The following CDH18 variants were observed in gnomAD, a reference collection of about 807,000 sequenced individuals.
The protein encoded by CDH18 is cadherin-18.
CDH18 carries 31 observed loss-of-function variants against 67.9 expected under a neutral mutation model. The observed-to-expected ratio is 0.46, with a 90% CI of 0.34 to 0.62. CDH18 has a LOEUF of 0.62. CDH18 is among the 20% of genes least tolerant of loss of function. The pLI, the probability that CDH18 is intolerant of heterozygous loss-of-function variation, is 0.01. For missense variants in CDH18, 890 were observed against 975.5 expected (o/e 0.91, Z 1.17); for synonymous variants, 362 against 347.2 (o/e 1.04, Z -0.48).
At chr5:19,590,414 A>G (rs1382168365) in intron 7 of CDH18, among the ~76,000 whole-genome samples, 1 of 152,062 alleles carries the variant, frequency 6.6e-6, no homozygotes, top group Non-Finnish European at 1.5e-5. Context: ...TATAATTACT[A>G]GAAGAAGAAT....
chr5:19,920,331 T>C (rs1461249388), intron 2 of CDH18, among the ~76,000 whole-genome samples: 2 of 152,112 alleles, frequency 1.3e-5, no homozygotes, highest in Non-Finnish European at 2.9e-5. Flanking sequence ...GGAAATAACA[T>C]AGCAACAAGT....
At chr5:20,352,588 G>A (rs1741280264) in intron 1 of CDH18, among the ~76,000 whole-genome samples, 1 of 148,990 alleles carries the variant, frequency 6.7e-6, no homozygotes, top group South Asian at 2.1e-4. Context: ...AGACCATCCT[G>A]GCTGAAACGG....
intron 1 of CDH18, among the ~76,000 whole-genome samples, chr5:20,460,528 G>A (rs575435315): frequency 6.6e-6 from 1 of 152,176 alleles, no homozygotes; most frequent in African/African-American, 2.4e-5. Context: ...CTGGCATTTT[G>A]GTTGTGCACA....
intron 1 of CDH18, among the ~76,000 whole-genome samples, chr5:20,274,691 T>A (rs1456285085): frequency 3.3e-5 from 5 of 152,130 alleles, no homozygotes; most frequent in African/African-American, 1.2e-4. Context: ...TAAGAATATA[T>A]ATATTTTGAT....
intron 5 of CDH18, among the ~76,000 whole-genome samples, chr5:19,665,067 A>C (rs1457343786): frequency 1.3e-5 from 2 of 152,064 alleles, no homozygotes; most frequent in African/African-American, 4.8e-5. Flanking sequence ...CATAATTATA[A>C]AAATAATTTT....
intron 2 of CDH18, among the ~76,000 whole-genome samples, chr5:20,237,216 A>G (rs963163765): frequency 2.0e-5 from 3 of 151,954 alleles, no homozygotes; most frequent in South Asian, 2.1e-4. Context: ...AAGAAAAATT[A>G]TAGTTCATGG....
intron 5 of CDH18, among the ~76,000 whole-genome samples, chr5:19,656,993 A>G (rs2150295629): frequency 6.6e-6 from 1 of 152,192 alleles, no homozygotes; most frequent in Middle Eastern, 3.4e-3. Context: ...GGAATGAAGA[A>G]GCAGGCAATT....
intron 1 of CDH18, among the ~76,000 whole-genome samples, chr5:20,374,755 AACAATAATG>A (rs1467825577): frequency 3.3e-5 from 5 of 152,340 alleles, no homozygotes; most frequent in East Asian, 3.9e-4. Context: ...TAATAATTCC[AACAATAATG>A]ACAATAATGA....
At chr5:20,544,366 T>C (rs1757223162) in intron 1 of CDH18, among the ~76,000 whole-genome samples, 1 of 152,074 alleles carries the variant, frequency 6.6e-6, no homozygotes, top group South Asian at 2.1e-4. Context: ...GTATAATATA[T>C]AAAGAATGTA....
At chr5:19,654,813 G>A (rs907827952) in intron 5 of CDH18, among the ~76,000 whole-genome samples, 5 of 152,140 alleles carry the variant, frequency 3.3e-5, no homozygotes, top group Non-Finnish European at 7.3e-5. Context: ...AGCTGGAAAG[G>A]AGATGGACTA....
At chr5:20,133,394 T>A (rs561707621) in intron 2 of CDH18, among the ~76,000 whole-genome samples, 1 of 152,056 alleles carries the variant, frequency 6.6e-6, no homozygotes, top group South Asian at 2.1e-4. Context: ...TGAGACTTAT[T>A]CACTATCACG....
chr5:19,657,996 T>A (rs1284288865), intron 5 of CDH18, among the ~76,000 whole-genome samples: 2 of 152,150 alleles, frequency 1.3e-5, no homozygotes, highest in African/African-American at 4.8e-5. Flanking sequence ...TGGAGGAAAT[T>A]GACGATGCTT....
chr5:20,033,203 T>A (rs950345349), intron 2 of CDH18, among the ~76,000 whole-genome samples: 4 of 151,384 alleles, frequency 2.6e-5, no homozygotes, highest in Non-Finnish European at 2.9e-5. Context: ...ATCTTCCTTT[T>A]TAAAAAAAAA....
chr5:20,565,772 G>T (rs74879965), intron 1 of CDH18, among the ~76,000 whole-genome samples: 1 of 131,354 alleles, frequency 7.6e-6, no homozygotes, highest in Admixed American at 7.5e-5. Flanking sequence ...AAAAAAAAAA[G>T]TTCCAGCATT....
intron 1 of CDH18, among the ~76,000 whole-genome samples, chr5:20,545,022 C>T (rs962372905): frequency 3.3e-5 from 5 of 152,128 alleles, no homozygotes; most frequent in African/African-American, 1.2e-4. Context: ...AAGAAATTGG[C>T]CAGAGCAAAG....
chr5:20,117,155 G>A (rs982926969), intron 2 of CDH18, among the ~76,000 whole-genome samples: 33 of 151,962 alleles, frequency 2.2e-4, no homozygotes, highest in African/African-American at 6.8e-4. Context: ...ATTTATATTC[G>A]TAAAGTTTAA....
chr5:19,987,468 G>A (rs1453357158), intron 1 of CDH18, among the ~76,000 whole-genome samples: 4 of 151,832 alleles, frequency 2.6e-5, no homozygotes, highest in African/African-American at 9.7e-5. Context: ...ATTTATAAGT[G>A]CCCTTTAAAA....
intron 5 of CDH18, among the ~76,000 whole-genome samples, chr5:19,655,819 T>C (rs925683084): frequency 6.6e-6 from 1 of 152,100 alleles, no homozygotes; most frequent in Non-Finnish European, 1.5e-5. Context: ...AATTCATGTG[T>C]TCTGTCATCC....
chr5:20,149,178 C>T (rs1011778603), intron 2 of CDH18, among the ~76,000 whole-genome samples: 1 of 152,124 alleles, frequency 6.6e-6, no homozygotes, highest in South Asian at 2.1e-4. Flanking sequence ...CTCTAGTAAT[C>T]AATTTTAAAT....
Sources: allele counts gnomAD v4.1 joint callset (sites outside exome capture counted in the v4.1 genomes callset), GRCh38; gene constraint gnomAD v4.1.1; transcripts MANE v1.5; gene names NCBI Gene and HGNC (gene_info 2026-07-23, HGNC 2026-07-21).